NXPH1: variants seen among roughly 807,000 people sequenced by gnomAD.
NXPH1 encodes neurexophilin-1.
A neutral mutation model predicts 23.7 loss-of-function variants in NXPH1; 5 were observed. The observed-to-expected ratio is 0.21, with a 90% confidence interval of 0.11 to 0.44. The LOEUF (loss-of-function observed/expected upper bound fraction) is 0.44, where lower values mean the gene tolerates loss of function less well. NXPH1 is among the 20% of genes least tolerant of loss of function. The pLI is 0.99. For missense variants in NXPH1, 324 were observed against 321.6 expected (o/e 1.01, Z -0.06); for synonymous variants, 144 against 122.2 (o/e 1.18, Z -1.18).
chr7:8,438,438 C>G (rs1463388954), intron 2 of NXPH1, among the ~76,000 whole-genome samples: 1 of 152,132 alleles, frequency 6.6e-6, no homozygotes, highest in Non-Finnish European at 1.5e-5. Flanking sequence ...TGACATAAGC[C>G]AGGGAAGAAT....
In NXPH1 at chr7:8,539,480, G is replaced by A. The variant is rs1487655371; in HGVS notation, c.54+103713G>A. Among the ~76,000 whole-genome samples, 5 of 151,658 alleles carry A rather than the reference G, an allele frequency of 3.3e-5. No individual in the cohort carries two copies. In the East Asian group the frequency reaches 5.8e-4, roughly 18 times the overall value. ...ATAATACATACTATCTTTTCTTTTC[G>A]TAAATAAGTTATATATGAGTTATCA... On this transcript the variant is annotated intron_variant, in intron 2 of 2. Transcript: ENST00000405863.
At chr7:8,703,757 G>A (rs1311396300) in intron 2 of NXPH1, among the ~76,000 whole-genome samples, 1 of 152,074 alleles carries the variant, frequency 6.6e-6, no homozygotes, top group Non-Finnish European at 1.5e-5. Context: ...GATAATCAGA[G>A]AGCTTTCATA....
intron 2 of NXPH1, among the ~76,000 whole-genome samples, chr7:8,722,251 A>C (rs1305844507): frequency 6.6e-6 from 1 of 152,232 alleles, no homozygotes; most frequent in Non-Finnish European, 1.5e-5. Flanking sequence ...GATAGAATAG[A>C]AAATCTGACA....
chr7:8,629,487 C>G (rs771613331), intron 2 of NXPH1, among the ~76,000 whole-genome samples: 2 of 152,076 alleles, frequency 1.3e-5, no homozygotes, highest in Non-Finnish European at 2.9e-5. Flanking sequence ...GGAGATATTT[C>G]ATTTAAAATC....
chr7:8,711,531 T>G (rs1779795312), intron 2 of NXPH1, among the ~76,000 whole-genome samples: 1 of 152,174 alleles, frequency 6.6e-6, no homozygotes, highest in African/African-American at 2.4e-5. Flanking sequence ...GCAGTCAGGT[T>G]AAGTGTCAGA....
chr7:8,592,516 C>T (rs147547438), intron 2 of NXPH1, among the ~76,000 whole-genome samples: 259 of 152,020 alleles, frequency 1.7e-3, no homozygotes, highest in Non-Finnish European at 2.8e-3. Context: ...TCTTACAAAG[C>T]AATCATCATA....
rs753560657 is a variant in NXPH1, at chr7:8,679,237, G to A, written c.55-71771G>A. Among the ~76,000 whole-genome samples, 7 of 151,908 alleles carry A rather than the reference G, an allele frequency of 4.6e-5. No individual in the cohort carries two copies. In the South Asian group the frequency reaches 6.2e-4, roughly 14 times the overall value. ...GCTGAGATTACAGGTGTGAGCCACCGCGCCCAGCCTGCTTTATCCAATTCT... is the reference window on the plus strand; with the variant it reads ...GCTGAGATTACAGGTGTGAGCCACCACGCCCAGCCTGCTTTATCCAATTCT... On this transcript the variant is annotated intron_variant, in intron 2 of 2. Coordinates refer to ENST00000405863, the MANE Select transcript of NXPH1 (RefSeq NM_152745.3).
chr7:8,674,185 A>T (rs979697775), intron 2 of NXPH1, among the ~76,000 whole-genome samples: 2 of 144,730 alleles, frequency 1.4e-5, no homozygotes, highest in African/African-American at 5.0e-5. Context: ...ACACACACAC[A>T]CACACACACA....
chr7:8,691,474 T>C (rs1354771025), intron 2 of NXPH1, among the ~76,000 whole-genome samples: 1 of 152,194 alleles, frequency 6.6e-6, no homozygotes. Context: ...TAATGTCACC[T>C]CTACAAAAAC....
In NXPH1 at chr7:8,481,826, C is replaced by T. The variant is rs1212845447; in HGVS notation, c.54+46059C>T. On this transcript the variant is annotated intron_variant, in intron 2 of 2. Coordinates refer to ENST00000405863, the MANE Select transcript of NXPH1 (RefSeq NM_152745.3). ...TAGTTTTTCAATCCTTGCCCCACTCCCTCCTTCCTCCCCTGTAGTCCCCAG... is the reference window on the plus strand; with the variant it reads ...TAGTTTTTCAATCCTTGCCCCACTCTCTCCTTCCTCCCCTGTAGTCCCCAG... Among the ~76,000 whole-genome samples, 6 of 152,200 alleles carry T rather than the reference C, an allele frequency of 3.9e-5. No individual in the cohort carries two copies. The East Asian group carries it at 1.2e-3, about 29-fold the overall frequency.
intron 2 of NXPH1, among the ~76,000 whole-genome samples, chr7:8,744,728 T>C (rs1291175400): frequency 6.6e-6 from 1 of 152,216 alleles, no homozygotes; most frequent in Non-Finnish European, 1.5e-5. Flanking sequence ...CCAGCCAACT[T>C]GTTACCACTG....
At position 8,751,662 on chromosome 7, in the gene NXPH1, G is replaced by A. The variant is rs1211363973; in HGVS notation, c.709G>A (p.Val237Met). ...CTGGCTCTGCTCCAAGCCCTTTAAG[G>A]TGATCTGTATTTACATTTCCTTTTA... ...VSWLCSKPFK[V>M]ICIYISFYST... The change falls in exon 3 of 3, where the codon GTG (valine) becomes ATG (methionine). Residue 237 changes from valine to methionine, a missense_variant. Physicochemically the swap from Val to Met is conservative, Grantham distance 21 (BLOSUM62 1). Transcript: ENST00000405863. This position sits in a 1 kb window ranked among gnomAD's most constrained non-coding sequence, Gnocchi z 4.5. 1 of 1,613,080 alleles carries A rather than the reference G, an allele frequency of 6.2e-7. No homozygotes were observed. The highest frequency in any genetic ancestry group is 8.5e-7 in the Non-Finnish European group (1 of 1,179,600).
chr7:8,464,385 G>T (rs754149131), intron 2 of NXPH1, among the ~76,000 whole-genome samples: 16 of 152,132 alleles, frequency 1.1e-4, no homozygotes, highest in Non-Finnish European at 2.1e-4. Flanking sequence ...ATAGCCATCT[G>T]CTGCTCATAG....
intron 2 of NXPH1, among the ~76,000 whole-genome samples, chr7:8,522,919 G>A (rs771544470): frequency 5.3e-5 from 8 of 152,182 alleles, no homozygotes; most frequent in Non-Finnish European, 8.8e-5. Flanking sequence ...GTGTCACAGA[G>A]CATTGGCTAT....
intron 2 of NXPH1, among the ~76,000 whole-genome samples, chr7:8,730,505 T>G (rs2115215862): frequency 6.6e-6 from 1 of 152,222 alleles, no homozygotes; most frequent in East Asian, 1.9e-4. Context: ...TGTTTAGCAC[T>G]TCCTTCAGGA....
intron 2 of NXPH1, among the ~76,000 whole-genome samples, chr7:8,603,887 A>C (rs1218955984): frequency 6.6e-6 from 1 of 152,092 alleles, no homozygotes; most frequent in Non-Finnish European, 1.5e-5. Context: ...CTTTCTCAAA[A>C]ACTAATTGAA....
At chr7:8,615,761 G>A (rs750132130) in intron 2 of NXPH1, among the ~76,000 whole-genome samples, 1 of 152,040 alleles carries the variant, frequency 6.6e-6, no homozygotes, top group Non-Finnish European at 1.5e-5. Context: ...TAACACACCA[G>A]TGGAGAAGAC....
At chr7:8,477,960 T>C (rs1421683670) in intron 2 of NXPH1, among the ~76,000 whole-genome samples, 2 of 152,148 alleles carry the variant, frequency 1.3e-5, no homozygotes, top group Non-Finnish European at 2.9e-5. Flanking sequence ...TCTGCCTCAT[T>C]AATCATTCTT....
chr7:8,497,336 C>G (rs1485429859), intron 2 of NXPH1, among the ~76,000 whole-genome samples: 1 of 152,136 alleles, frequency 6.6e-6, no homozygotes, highest in Non-Finnish European at 1.5e-5. Flanking sequence ...GTACATGTGT[C>G]TTTATAGCAG....
Sources: gnomAD v4.1 joint callset for allele counts (sites outside exome capture counted in the v4.1 genomes callset) on GRCh38, gnomAD v4.1.1 for gene constraint, Gnocchi (gnomAD v3.1) non-coding constraint, MANE v1.5 for transcripts, NCBI Gene and HGNC (gene_info 2026-07-23, HGNC 2026-07-21) for gene names.